The following ABCA4 variants were observed in gnomAD, a reference collection of about 807,000 sequenced individuals.
ABCA4 encodes retinal-specific phospholipid-transporting ATPase ABCA4.
ABCA4 carries 196 observed loss-of-function variants against 263.7 expected under a neutral mutation model. The observed-to-expected ratio is 0.74, with a 90% confidence interval of 0.66 to 0.84. The LOEUF (loss-of-function observed/expected upper bound fraction) is 0.84, where lower values mean the gene tolerates loss of function less well. Ranked by LOEUF, ABCA4 falls within the 40% of genes least tolerant of loss-of-function variation. The pLI, the probability that ABCA4 is intolerant of heterozygous loss-of-function variation, is 0.00. For synonymous variants in ABCA4, 1,133 were observed against 1,094.2 expected, an observed-to-expected ratio of 1.04 and a Z score of -0.70; for missense variants, 2,792 against 2,855.1, an observed-to-expected ratio of 0.98 and a Z score of 0.50.
rs758451997 is a variant in ABCA4, at chr1:94,080,446, G to A, written c.1099+32C>T. On this transcript the variant is annotated intron_variant, in intron 8 of 49. Coordinates refer to ENST00000370225, the MANE Select transcript of ABCA4 (RefSeq NM_000350.3). Reference sequence around the variant, plus strand: ...ACCATCAACTTAACCAACATGAGAGGCCAATTTATAAGCAGGACTCAGAAA... The same window carrying A: ...ACCATCAACTTAACCAACATGAGAGACCAATTTATAAGCAGGACTCAGAAA... 4 of 1,613,650 alleles carry A rather than the reference G, an allele frequency of 2.5e-6. No individual in the cohort carries two copies. The South Asian group carries it at 4.4e-5, about 18-fold the overall frequency.
chr1:94,030,552 G>A (rs1329151183), intron 28 of ABCA4, 26 bp from the exon 29 acceptor site: 2 of 1,603,538 alleles, frequency 1.2e-6, no homozygotes, highest in Non-Finnish European at 1.7e-6. Context: ...CATGTGACTG[G>A]GACAGAGCAG....
chr1:94,048,405 G>C (rs910426012), intron 18 of ABCA4, among the ~76,000 whole-genome samples: 1 of 152,198 alleles, frequency 6.6e-6, no homozygotes, highest in African/African-American at 2.4e-5. Context: ...GGCTTCTGAT[G>C]GTTTCAATGA....
Position 94,010,896 on chromosome 1 carries a change from T to C in ABCA4, c.5618A>G (p.Asp1873Gly), listed in dbSNP as rs778550733. 3.1e-6 allele frequency: 5 copies of C among 1,614,040 alleles called. No homozygotes were observed. The highest frequency in any genetic ancestry group is 4.2e-6 in the Non-Finnish European group (5 of 1,180,002). ...GGCAAACAGGTTCTTCCCAATCAGG[T>C]CCCAGTGGAACGGATTTGCAGAGTG... Reference protein sequence around the residue: ...EEHSANPFHWDLIGKNLFAMV... With the variant: ...EEHSANPFHWGLIGKNLFAMV... The change falls in exon 40 of 50, where the codon GAC (aspartate) becomes GGC (glycine). Residue 1873 changes from aspartate to glycine, a missense_variant. Coordinates refer to ENST00000370225, the MANE Select transcript of ABCA4 (RefSeq NM_000350.3).
intron 11 of ABCA4, among the ~76,000 whole-genome samples, chr1:94,065,393 G>A (rs752179830): frequency 3.3e-5 from 5 of 152,156 alleles, no homozygotes; most frequent in African/African-American, 4.8e-5. Flanking sequence ...ATAAAGAAAC[G>A]AGAAAGGCAG....
At position 94,023,377 on chromosome 1, in the gene ABCA4, GT is replaced by G. The variant is rs1316046229; in HGVS notation, c.4667+8del. 1 of 1,601,044 alleles carries G rather than the reference GT, an allele frequency of 6.2e-7. No individual in the cohort carries two copies. Among genetic ancestry groups the G allele is most frequent in the East Asian group, 2.2e-5 (1 of 44,808 alleles). ...TGAGATTTTAATTCTGATAAAAATA[GT>G]TTCTTACCTCTGTTCATTGACCCAG... On this transcript the variant is annotated splice_region_variant and intron_variant, in intron 32 of 49. Coordinates refer to ENST00000370225, the MANE Select transcript of ABCA4 (RefSeq NM_000350.3).
chr1:94,111,479 T>C lies in ABCA4; in HGVS notation c.261A>G (p.Pro87=). 2.5e-6 allele frequency: 4 copies of C among 1,614,176 alleles called. No individual in the cohort carries two copies. The highest frequency in any genetic ancestry group is 3.4e-6 in the Non-Finnish European group (4 of 1,180,020). Residue 87 remains proline, a synonymous_variant, in exon 3 of 50, where the codon CCA becomes CCG. Transcript: ENST00000370225. ...VNNPCFQSPT[P]GESPGIVSNY... The stretch of plus-strand genomic sequence containing the variant: ...TTGACACAATTCCAGGAGATTCTCC[T>C]GGGGTGGGGCTTTGAAAACAGGGAT...
At chr1:94,092,099 T>A (rs76857622) in intron 6 of ABCA4, among the ~76,000 whole-genome samples, 1,651 of 152,366 alleles carry the variant, frequency 0.011, 30 homozygotes, top group African/African-American at 0.038. Flanking sequence ...TTTCTGTGAT[T>A]CAAAGAAGAC....
chr1:94,108,458 C>A lies in ABCA4; in HGVS notation c.442+119G>T, dbSNP rs1459490913. Reference sequence around the variant, plus strand: ...GGTGATGTTCAAGCCGCCTCCAGACCCCATCCCTTCCTGCCTCCGCTAGTA... The same window carrying A: ...GGTGATGTTCAAGCCGCCTCCAGACACCATCCCTTCCTGCCTCCGCTAGTA... On this transcript the variant is annotated intron_variant, in intron 4 of 49. Transcript: ENST00000370225. The A allele has an allele frequency of 1.3e-5, 19 of 1,450,126 alleles. 1 individual carries two copies. In the South Asian group the frequency reaches 1.9e-4, roughly 14 times the overall value. 89.8% of individuals were successfully genotyped at this position (1,450,126 alleles called of 1,614,324 possible).
At chr1:94,058,078 T>C (rs996320370) in intron 14 of ABCA4, among the ~76,000 whole-genome samples, 2 of 152,138 alleles carry the variant, frequency 1.3e-5, no homozygotes, top group African/African-American at 4.8e-5. Context: ...GGCTGCCATT[T>C]CTCCTTTCTG....
intron 47 of ABCA4, among the ~76,000 whole-genome samples, chr1:93,998,583 T>C (rs764026513): frequency 1.3e-5 from 2 of 152,016 alleles, no homozygotes; most frequent in East Asian, 3.8e-4. Flanking sequence ...TACTGAAAAC[T>C]AGGAGAGAAA....
chr1:93,995,653 A>C (rs1457574767), intron 49 of ABCA4, among the ~76,000 whole-genome samples: 1 of 152,158 alleles, frequency 6.6e-6, no homozygotes, highest in African/African-American at 2.4e-5. Context: ...ATCTAACCAA[A>C]TGTGTCTGAC....
At chr1:94,044,810 C>A in intron 19 of ABCA4, 66 bp from the exon 20 acceptor site, 1 of 1,610,368 alleles carries the variant, frequency 6.2e-7, no homozygotes. Flanking sequence ...GAGGGCCACC[C>A]CCACACCAGG....
chr1:94,051,815 T>C, intron 16 of ABCA4, 117 bp from the exon 17 acceptor site: 1 of 788,800 alleles, frequency 1.3e-6, no homozygotes, highest in South Asian at 1.5e-5. Context: ...ACTATAGATA[T>C]TTGCAGTTAT....
chr1:94,041,349 C>T lies in ABCA4; in HGVS notation c.3382G>A (p.Asp1128Asn), dbSNP rs777447834. ...CCCTGGGCAATGATGGCAATGCGGT[C>T]CCCAAGGAGGTCGGCCTCGTCCATG... Reference protein sequence around the residue: ...HHMDEADLLGDRIAIIAQGRL... With the variant: ...HHMDEADLLGNRIAIIAQGRL... The change falls in exon 23 of 50, where the codon GAC (aspartate) becomes AAC (asparagine). Residue 1128 changes from aspartate to asparagine, a missense_variant. Asp to Asn is a conservative substitution (Grantham distance 23). Transcript: ENST00000370225. 1.2e-6 allele frequency: 2 copies of T among 1,613,992 alleles called. No homozygotes were observed. Among genetic ancestry groups the T allele is most frequent in the Admixed American group, 1.7e-5 (1 of 60,004 alleles).
Position 94,083,398 on chromosome 1 carries a change from C to T in ABCA4, c.812G>A (p.Arg271Lys). The T allele has an allele frequency of 6.2e-7, 1 of 1,613,812 alleles. No individual in the cohort carries two copies. Among genetic ancestry groups the T allele is most frequent in the African/African-American group, 1.3e-5 (1 of 75,020 alleles). The change falls in exon 7 of 50, where the codon AGA becomes AAA. Residue 271 changes from arginine (R) to lysine (K), a missense_variant. Transcript: ENST00000370225. ...ATCAGATAATATTCCTCCCCAAGAT[C>T]TCAGATTGATACCTTGAGAACGGCT... ...LDSRSQGINL[R>K]SWGGILSDMS...
At chr1:94,026,944 GAGAGAGAGAGAAAGAT>G (rs1288384633) in intron 30 of ABCA4, among the ~76,000 whole-genome samples, 2 of 152,016 alleles carry the variant, frequency 1.3e-5, no homozygotes, top group Admixed American at 1.3e-4. Flanking sequence ...GTGAGAAAGA[GAGAGAGAGAGAAAGAT>G]AGAGAGAGAA....
At chr1:94,099,734 ACAC>A (rs1172310161) in intron 5 of ABCA4, among the ~76,000 whole-genome samples, 1 of 152,240 alleles carries the variant, frequency 6.6e-6, no homozygotes, top group East Asian at 1.9e-4. Context: ...ACCGAATAGA[ACAC>A]AATTATTTGA....
intron 4 of ABCA4, among the ~76,000 whole-genome samples, chr1:94,107,483 A>T (rs1196921827): frequency 6.6e-6 from 1 of 152,030 alleles, no homozygotes; most frequent in African/African-American, 2.4e-5. Context: ...AGCACACAAC[A>T]CCCACTCACA....
chr1:94,098,168 C>A (rs1409904485), intron 6 of ABCA4, among the ~76,000 whole-genome samples: 1 of 152,140 alleles, frequency 6.6e-6, no homozygotes, highest in Non-Finnish European at 1.5e-5. Flanking sequence ...TTTCAGGTCC[C>A]AAGCAGTCTG....
Sources: allele counts gnomAD v4.1 joint callset (sites outside exome capture counted in the v4.1 genomes callset), GRCh38; gene constraint gnomAD v4.1.1; transcripts MANE v1.5; gene names NCBI Gene and HGNC (gene_info 2026-07-23, HGNC 2026-07-21).